ARB2A: variants seen among roughly 807,000 people sequenced by gnomAD.
ARB2A encodes ARB2 cotranscriptional regulator A, also known as cotranscriptional regulator ARB2A.
the ARB2A span, among the ~76,000 whole-genome samples, chr5:93,848,538 T>C: frequency 6.6e-6 from 1 of 152,166 alleles, no homozygotes; most frequent in African/African-American, 2.4e-5. Flanking sequence ...ACCATAAATA[T>C]TTTCACTGTA....
At chr5:93,814,636 A>G in the ARB2A span, among the ~76,000 whole-genome samples, 32 of 152,204 alleles carry the variant, frequency 2.1e-4, 1 homozygote, top group South Asian at 6.2e-3. Flanking sequence ...AATATCCCCT[A>G]TATTATTCTC....
the ARB2A span, among the ~76,000 whole-genome samples, chr5:93,641,859 T>C: frequency 2.6e-5 from 4 of 152,266 alleles, no homozygotes; most frequent in African/African-American, 9.6e-5. Context: ...ATATATACAT[T>C]ATAGTAGGAA....
the ARB2A span, among the ~76,000 whole-genome samples, chr5:93,769,872 A>G: frequency 3.3e-5 from 5 of 152,228 alleles, no homozygotes; most frequent in African/African-American, 1.2e-4. Flanking sequence ...ATTTGTTAGA[A>G]CAAAATCCCA....
At chr5:93,691,940 A>C in the ARB2A span, among the ~76,000 whole-genome samples, 1 of 152,202 alleles carries the variant, frequency 6.6e-6, no homozygotes, top group South Asian at 2.1e-4. Context: ...TCATAAGCGA[A>C]GAAGAAATAA....
chr5:94,105,956 TC>T, the ARB2A span, among the ~76,000 whole-genome samples: 1,323 of 152,104 alleles, frequency 8.7e-3, 11 homozygotes, highest in Middle Eastern at 0.024. Flanking sequence ...CTGAACCCTT[TC>T]CTTTTACCAT....
chr5:94,066,249 A>C, the ARB2A span, among the ~76,000 whole-genome samples: 2 of 152,126 alleles, frequency 1.3e-5, no homozygotes, highest in East Asian at 3.8e-4. Context: ...AAGTAGAAAG[A>C]TTTCAAATAA....
At chr5:93,711,064 C>T in the ARB2A span, among the ~76,000 whole-genome samples, 3 of 152,072 alleles carry the variant, frequency 2.0e-5, no homozygotes, top group Admixed American at 1.3e-4. Context: ...GCAGTTTTAC[C>T]ACTGCACATT....
At chr5:94,022,045 T>C in the ARB2A span, among the ~76,000 whole-genome samples, 1 of 152,170 alleles carries the variant, frequency 6.6e-6, no homozygotes, top group Admixed American at 6.5e-5. Context: ...TACTCCAGCC[T>C]GGACAACAGC....
At chr5:93,723,663 T>C in the ARB2A span, among the ~76,000 whole-genome samples, 3 of 152,120 alleles carry the variant, frequency 2.0e-5, no homozygotes, top group Admixed American at 6.6e-5. Context: ...TGATGTCATA[T>C]ACAAGGAGCT....
chr5:93,812,293 T>A, the ARB2A span, among the ~76,000 whole-genome samples: 138,651 of 152,134 alleles, frequency 0.91, 63,538 homozygotes, highest in East Asian at 1. Flanking sequence ...TGGAACAGGA[T>A]TTTTTTCCTG....
the ARB2A span, among the ~76,000 whole-genome samples, chr5:93,716,542 T>C: frequency 6.6e-6 from 1 of 152,076 alleles, no homozygotes; most frequent in Non-Finnish European, 1.5e-5. Context: ...TTATTTTAAT[T>C]GATTAAGTCA....
the ARB2A span, chr5:94,111,570 A>G: frequency 6.6e-6 from 1 of 152,256 alleles, no homozygotes; most frequent in Non-Finnish European, 1.5e-5. Flanking sequence ...GTGGCCTTCC[A>G]GTTCGCCAGT....
At chr5:93,917,085 C>T in the ARB2A span, among the ~76,000 whole-genome samples, 1 of 152,114 alleles carries the variant, frequency 6.6e-6, no homozygotes, top group Admixed American at 6.6e-5. Context: ...AAAATAATGA[C>T]AAATGTATGC....
At chr5:93,702,352 T>C in the ARB2A span, among the ~76,000 whole-genome samples, 2 of 152,210 alleles carry the variant, frequency 1.3e-5, no homozygotes, top group African/African-American at 4.8e-5. Flanking sequence ...CTGACCACGC[T>C]ATATAAAACA....
chr5:93,719,197 T>C, the ARB2A span, among the ~76,000 whole-genome samples: 3 of 152,310 alleles, frequency 2.0e-5, no homozygotes, highest in Middle Eastern at 3.4e-3. Flanking sequence ...TATCCTGAGT[T>C]TTCTACCATG....
chr5:93,813,078 C>G, the ARB2A span, among the ~76,000 whole-genome samples: 1 of 152,232 alleles, frequency 6.6e-6, no homozygotes, highest in African/African-American at 2.4e-5. Flanking sequence ...TGTTAACACC[C>G]TTATTTAGGA....
the ARB2A span, chr5:93,958,746 CAAA>C: frequency 9.0e-7 from 1 of 1,114,180 alleles, no homozygotes; most frequent in South Asian, 2.1e-5. Flanking sequence ...TATAAAATGC[CAAA>C]AAAAAAAACC....
chr5:93,671,690 C>T, the ARB2A span, among the ~76,000 whole-genome samples: 1 of 151,902 alleles, frequency 6.6e-6, no homozygotes, highest in African/African-American at 2.4e-5. Context: ...TTTCAATGAG[C>T]TCTTACACTA....
At chr5:93,767,759 C>T in the ARB2A span, among the ~76,000 whole-genome samples, 133 of 151,844 alleles carry the variant, frequency 8.8e-4, no homozygotes, top group Admixed American at 4.7e-3. Context: ...CTTTGGGAGG[C>T]CGAGATGGGT....
Sources: gnomAD v4.1 joint callset for allele counts (sites outside exome capture counted in the v4.1 genomes callset) on GRCh38, gnomAD v4.1.1 for gene constraint, MANE v1.5 for transcripts, NCBI Gene and HGNC (gene_info 2026-07-23, HGNC 2026-07-21) for gene names.